PPP1R12B: variants seen among roughly 807,000 people sequenced by gnomAD.
The protein encoded by PPP1R12B is myosin phosphatase target subunit 2.
PPP1R12B carries 76 observed loss-of-function variants against 126.1 expected under a neutral mutation model. That is an observed-to-expected ratio of 0.60 (90% confidence interval 0.50 to 0.73). The LOEUF is 0.73. Among genes scored for constraint, PPP1R12B ranks in the 30% least tolerant of loss-of-function variants. The pLI is 0.00. For synonymous variants in PPP1R12B, 356 were observed against 434.7 expected, an observed-to-expected ratio of 0.82 and a Z score of 2.25; for missense variants, 1,052 against 1,205.1, an observed-to-expected ratio of 0.87 and a Z score of 1.88.
chr1:202,525,844 C>A (rs1323722145), intron 18 of PPP1R12B, among the ~76,000 whole-genome samples: 3 of 151,930 alleles, frequency 2.0e-5, no homozygotes, highest in African/African-American at 7.3e-5. Context: ...ATTACAGGTG[C>A]CCGCCACCAC....
intron 21 of PPP1R12B, among the ~76,000 whole-genome samples, chr1:202,566,205 C>G (rs1374676489): frequency 6.6e-6 from 1 of 152,208 alleles, no homozygotes; most frequent in Non-Finnish European, 1.5e-5. Flanking sequence ...GTCTAACAAG[C>G]TGCTGACATT....
chr1:202,372,335 C>G (rs1307784375), intron 1 of PPP1R12B, among the ~76,000 whole-genome samples: 2 of 151,942 alleles, frequency 1.3e-5, no homozygotes, highest in South Asian at 2.1e-4. Context: ...AAGACCCCAT[C>G]TCTAGAAAAA....
intron 1 of PPP1R12B, among the ~76,000 whole-genome samples, chr1:202,397,871 C>T (rs1665220320): frequency 6.6e-6 from 1 of 152,122 alleles, no homozygotes; most frequent in South Asian, 2.1e-4. Context: ...GTAGTAATAA[C>T]AATGGCACTG....
At chr1:202,409,000 G>T (rs574909533) in intron 1 of PPP1R12B, among the ~76,000 whole-genome samples, 143 of 151,684 alleles carry the variant, frequency 9.4e-4, no homozygotes, top group African/African-American at 3.3e-3. Context: ...ACCACACCCA[G>T]CTAATTTTTT....
intron 6 of PPP1R12B, 132 bp from the exon 7 acceptor site, chr1:202,430,599 G>C (rs778336543): frequency 3.5e-5 from 28 of 798,264 alleles, no homozygotes; most frequent in Admixed American, 3.1e-5. Flanking sequence ...TCTTTTTCTC[G>C]GGTTCCCCAC....
intron 18 of PPP1R12B, among the ~76,000 whole-genome samples, chr1:202,505,946 G>A (rs143070954): frequency 0.017 from 2,596 of 152,168 alleles, 38 homozygotes; most frequent in Non-Finnish European, 0.026. Flanking sequence ...ATGTTCATAA[G>A]GATATAAAAG....
At chr1:202,548,806 C>CTATATATATATA (rs1378767072) in intron 18 of PPP1R12B, among the ~76,000 whole-genome samples, 5 of 76,400 alleles carry the variant, frequency 6.5e-5, no homozygotes, top group Non-Finnish European at 1.4e-4. Flanking sequence ...CTCTCTCTCT[C>CTATATATATATA]TCTATATATA....
At chr1:202,557,288 A>G (rs1434559228) in intron 18 of PPP1R12B, among the ~76,000 whole-genome samples, 1 of 152,112 alleles carries the variant, frequency 6.6e-6, no homozygotes, top group Non-Finnish European at 1.5e-5. Flanking sequence ...CCAGCCCTAT[A>G]TATGTGTTAG....
At chr1:202,515,699 G>A (rs918753433) in intron 18 of PPP1R12B, among the ~76,000 whole-genome samples, 5 of 152,170 alleles carry the variant, frequency 3.3e-5, no homozygotes, top group African/African-American at 1.2e-4. Context: ...GATGATAGAT[G>A]TGTGCCACCA....
chr1:202,568,651 G>T (rs774878756), intron 22 of PPP1R12B, among the ~76,000 whole-genome samples: 15 of 152,258 alleles, frequency 9.9e-5, no homozygotes, highest in African/African-American at 3.1e-4. Flanking sequence ...GCAACTACAG[G>T]GGGAGGGAAG....
At chr1:202,376,007 A>G (rs777450961) in intron 1 of PPP1R12B, among the ~76,000 whole-genome samples, 39 of 152,228 alleles carry the variant, frequency 2.6e-4, no homozygotes, top group East Asian at 1.5e-3. Flanking sequence ...GGCAGTATCT[A>G]TTAAGTCTTA....
chr1:202,366,268 C>CA lies in PPP1R12B; in HGVS notation c.291+17127dup, dbSNP rs1659215283. On this transcript the variant is annotated intron_variant, in intron 1 of 23. Transcript: ENST00000608999. ...GTGTGGTGGCTCATGCCTGTAATCC[C>CA]AGCACTTTGGGAGGCTGAGGCGGGC... is the stretch of plus-strand genomic sequence containing the variant. Among the ~76,000 whole-genome samples the CA allele has an allele frequency of 2.0e-5, 3 of 152,194 alleles. 1 individual carries two copies. The highest frequency in any genetic ancestry group is 7.2e-5 in the African/African-American group (3 of 41,532).
intron 1 of PPP1R12B, among the ~76,000 whole-genome samples, chr1:202,387,582 C>T (rs183673674): frequency 3.9e-5 from 6 of 151,912 alleles, no homozygotes; most frequent in East Asian, 1.9e-4. Context: ...TTTAATGTTT[C>T]GATGGTACAA....
chr1:202,444,267 G>A (rs1671973765), intron 12 of PPP1R12B, among the ~76,000 whole-genome samples: 1 of 152,070 alleles, frequency 6.6e-6, no homozygotes, highest in Admixed American at 6.5e-5. Context: ...TTCCAAGGAA[G>A]GCTTTATAGC....
At chr1:202,578,351 GTC>G (rs1558397970) in intron 23 of PPP1R12B, among the ~76,000 whole-genome samples, 1 of 152,096 alleles carries the variant, frequency 6.6e-6, no homozygotes, top group African/African-American at 2.4e-5. Context: ...TGTGGCTTTC[GTC>G]TCACTTATAC....
intron 1 of PPP1R12B, among the ~76,000 whole-genome samples, chr1:202,380,233 G>A (rs1571707649): frequency 6.6e-6 from 1 of 152,050 alleles, no homozygotes; most frequent in African/African-American, 2.4e-5. Context: ...ACCCTGTCAG[G>A]ATTTATTCAT....
chr1:202,558,914 A>T (rs1558372788), intron 19 of PPP1R12B, 21 bp downstream of exon 19: 1 of 1,583,080 alleles, frequency 6.3e-7, no homozygotes, highest in East Asian at 2.3e-5. Flanking sequence ...TCCCTGTTAT[A>T]TATGCATGCT....
In PPP1R12B at chr1:202,434,690, C is replaced by T. The variant is rs748506903; in HGVS notation, c.1176C>T (p.Asn392=). The T allele has an allele frequency of 1.9e-6, 3 of 1,613,324 alleles. No individual in the cohort carries two copies. The Admixed American group carries it at 5.0e-5, about 27-fold the overall frequency. ...KKPEAFVNHS[N]SESKSSITEQ... is the part of the protein sequence containing the mutation. ...CAGAAGCCTTTGTCAATCATTCCAA[C>T]TCTGAAAGCAAGAGTAGTATCACAG... The change falls in exon 9 of 24, where the codon AAC becomes AAT. Residue 392 remains asparagine (N), a synonymous_variant. Coordinates refer to ENST00000608999, the MANE Select transcript of PPP1R12B (RefSeq NM_002481.4).
intron 18 of PPP1R12B, among the ~76,000 whole-genome samples, chr1:202,498,899 A>G (rs1679879386): frequency 6.6e-6 from 1 of 152,148 alleles, no homozygotes; most frequent in South Asian, 2.1e-4. Context: ...TATATCTGCT[A>G]TTGAGGTCAT....
Sources: gnomAD v4.1 joint callset for allele counts (sites outside exome capture counted in the v4.1 genomes callset) on GRCh38, gnomAD v4.1.1 for gene constraint, MANE v1.5 for transcripts, NCBI Gene and HGNC (gene_info 2026-07-23, HGNC 2026-07-21) for gene names.